BLTP1: variants seen among roughly 807,000 people sequenced by gnomAD.
The protein encoded by BLTP1 is bridge-like lipid transfer protein family member 1, also known as fragile site-associated protein.
At chr4:122,230,388 A>G in the BLTP1 span, among the ~76,000 whole-genome samples, 2 of 152,210 alleles carry the variant, frequency 1.3e-5, no homozygotes, top group African/African-American at 2.4e-5. Flanking sequence ...GTAAATATAT[A>G]TCTTGTCTCT....
chr4:122,187,219 C>G, the BLTP1 span: 2 of 975,502 alleles, frequency 2.1e-6, no homozygotes, highest in Non-Finnish European at 2.4e-6. Context: ...GCTTATCCAT[C>G]TAAAAGTTGA....
the BLTP1 span, chr4:122,153,011 T>A: frequency 1.0e-6 from 1 of 985,322 alleles, no homozygotes; most frequent in Non-Finnish European, 1.2e-6. Context: ...CAACCCCCGC[T>A]TTCTTCTCTG....
the BLTP1 span, among the ~76,000 whole-genome samples, chr4:122,323,630 T>C: frequency 6.6e-6 from 1 of 152,066 alleles, no homozygotes; most frequent in Non-Finnish European, 1.5e-5. Flanking sequence ...AATACTGCTC[T>C]CCAATTTATT....
the BLTP1 span, chr4:122,220,971 T>A: frequency 2.3e-6 from 1 of 438,718 alleles, no homozygotes; most frequent in South Asian, 9.6e-5. Context: ...AAGTGAGAAT[T>A]TGAAAATGTA....
chr4:122,167,109 A>G, the BLTP1 span, among the ~76,000 whole-genome samples: 6 of 152,162 alleles, frequency 3.9e-5, no homozygotes, highest in Non-Finnish European at 8.8e-5. Context: ...GCTCCTTTTT[A>G]TTGAGGTGTT....
chr4:122,229,870 G>T, the BLTP1 span: 7 of 1,510,378 alleles, frequency 4.6e-6, no homozygotes, highest in South Asian at 9.0e-5. Context: ...AGTAGTTTTG[G>T]CTAAGCTACT....
chr4:122,301,030 G>A, the BLTP1 span: 1 of 977,582 alleles, frequency 1.0e-6, no homozygotes, highest in Non-Finnish European at 1.2e-6. Context: ...TCCCTCAAAT[G>A]TGTTTTCTGA....
At chr4:122,298,719 A>T in the BLTP1 span, 25 of 423,284 alleles carry the variant, frequency 5.9e-5, no homozygotes, top group Non-Finnish European at 7.6e-5. Flanking sequence ...TGAAGAAGTT[A>T]AGTAGTATAA....
chr4:122,221,770 C>T, the BLTP1 span: 1 of 981,998 alleles, frequency 1.0e-6, no homozygotes, highest in Non-Finnish European at 1.2e-6. Flanking sequence ...GGAAGCCCAT[C>T]TCCCTTTTTC....
the BLTP1 span, chr4:122,269,452 C>A: frequency 1.0e-6 from 1 of 985,224 alleles, no homozygotes; most frequent in East Asian, 1.1e-4. Flanking sequence ...ACTTGACATT[C>A]CTTTTAATTT....
At chr4:122,152,362 C>T in the BLTP1 span, 3 of 985,824 alleles carry the variant, frequency 3.0e-6, no homozygotes, top group African/African-American at 3.5e-5. Flanking sequence ...TGGGACCCCT[C>T]CCCTCCTCCT....
the BLTP1 span, among the ~76,000 whole-genome samples, chr4:122,329,863 T>C: frequency 6.6e-6 from 1 of 151,744 alleles, no homozygotes. Context: ...TATACATGAT[T>C]GATTAGCAAC....
chr4:122,243,967 T>C, the BLTP1 span: 2 of 1,611,756 alleles, frequency 1.2e-6, no homozygotes, highest in Admixed American at 3.4e-5. Flanking sequence ...ACAGCCATAG[T>C]TGAAGTAAAA....
the BLTP1 span, among the ~76,000 whole-genome samples, chr4:122,177,761 T>C: frequency 6.6e-6 from 1 of 152,100 alleles, no homozygotes; most frequent in African/African-American, 2.4e-5. Context: ...TGGTTAACTA[T>C]CCTCTATCAA....
the BLTP1 span, chr4:122,178,313 A>C: frequency 4.6e-6 from 1 of 216,826 alleles, no homozygotes; most frequent in Non-Finnish European, 7.9e-6. Context: ...TGATACCTGC[A>C]TACAAATGTC....
the BLTP1 span, chr4:122,232,212 G>C: frequency 1.4e-6 from 1 of 702,472 alleles, no homozygotes; most frequent in South Asian, 6.4e-5. Flanking sequence ...CAATTTCATG[G>C]ATGCTGGAAA....
the BLTP1 span, chr4:122,273,194 T>A: frequency 1.0e-6 from 1 of 953,506 alleles, no homozygotes; most frequent in Non-Finnish European, 1.2e-6. Context: ...GTTAACTTTA[T>A]GATTCAGAAA....
At chr4:122,250,552 A>C in the BLTP1 span, 1 of 1,613,718 alleles carries the variant, frequency 6.2e-7, no homozygotes, top group Non-Finnish European at 8.5e-7. Context: ...ACTTAAATGG[A>C]AATTCTGTTT....
chr4:122,334,423 A>C, the BLTP1 span: 2 of 1,612,932 alleles, frequency 1.2e-6, no homozygotes, highest in Non-Finnish European at 1.7e-6. Context: ...ACACTGTCCA[A>C]AGAGTCCAAG....
Sources: gnomAD v4.1 joint callset for allele counts (sites outside exome capture counted in the v4.1 genomes callset) on GRCh38, gnomAD v4.1.1 for gene constraint, MANE v1.5 for transcripts, NCBI Gene and HGNC (gene_info 2026-07-23, HGNC 2026-07-21) for gene names.